The following SPRED2 variants were observed in gnomAD, a reference collection of about 807,000 sequenced individuals.
SPRED2 encodes sprouty related EVH1 domain containing 2, also known as sprouty-related, EVH1 domain-containing protein 2.
In SPRED2, 47 loss-of-function variants were observed where a neutral mutation model predicts 43.0. That is an observed-to-expected ratio of 1.09 (90% confidence interval 0.87 to 1.40). The LOEUF is 1.40. Among genes scored for constraint, SPRED2 ranks in the 40% most tolerant of loss-of-function variants. The pLI is 0.00. For synonymous variants in SPRED2, 225 were observed against 225.7 expected, an observed-to-expected ratio of 1.00 and a Z score of 0.03; for missense variants, 561 against 586.4, an observed-to-expected ratio of 0.96 and a Z score of 0.45.
chr2:65,407,020 C>T lies in SPRED2; in HGVS notation c.26+24942G>A, dbSNP rs1676040443. 2.6e-5 allele frequency among the ~76,000 whole-genome samples: 4 copies of T among 151,974 alleles called. No homozygotes were observed. The South Asian group carries it at 8.3e-4, about 32-fold the overall frequency. ...CTCGGCTCACTGCAAGCTCCACCTC[C>T]TGGGTTCACGCCATTCTCCTGCCTC... On this transcript the variant is annotated intron_variant, in intron 1 of 5. Coordinates refer to ENST00000356388, the MANE Select transcript of SPRED2 (RefSeq NM_181784.3).
chr2:65,363,000 G>GTTTTTT lies in SPRED2; in HGVS notation c.27-18105_27-18104insAAAAAA, dbSNP rs759784526. On this transcript the variant is annotated intron_variant, in intron 1 of 5. Coordinates refer to ENST00000356388, the MANE Select transcript of SPRED2 (RefSeq NM_181784.3). ...CACTTGCTTTCTCTATGGTCATCAT[G>GTTTTTT]TTTTGTTTTTTTTTTTTTTTTTTTT... Among the ~76,000 whole-genome samples, 172 of 66,884 alleles carry GTTTTTT rather than the reference G, an allele frequency of 2.6e-3. 7 individuals are homozygous for GTTTTTT. The highest frequency in any genetic ancestry group is 0.011 in the African/African-American group (163 of 14,220). 43.9% of individuals were successfully genotyped at this position (66,884 alleles called of 152,430 possible).
At chr2:65,428,035 T>G (rs1676595086) in intron 1 of SPRED2, among the ~76,000 whole-genome samples, 1 of 152,258 alleles carries the variant, frequency 6.6e-6, no homozygotes, top group Non-Finnish European at 1.5e-5. Context: ...AAAAAAATGT[T>G]TGCTGTCTCG....
At chr2:65,347,551 C>T (rs769217898) in intron 1 of SPRED2, among the ~76,000 whole-genome samples, 8 of 151,972 alleles carry the variant, frequency 5.3e-5, no homozygotes, top group Non-Finnish European at 8.8e-5. Context: ...TCGCCTGTGC[C>T]CACCACCATG....
intron 1 of SPRED2, among the ~76,000 whole-genome samples, chr2:65,392,598 T>C (rs993776043): frequency 1.3e-5 from 2 of 152,202 alleles, no homozygotes; most frequent in Non-Finnish European, 2.9e-5. Flanking sequence ...ATTCATCTTA[T>C]AGTCTTAAAA....
intron 1 of SPRED2, among the ~76,000 whole-genome samples, chr2:65,401,116 C>T (rs112604567): frequency 6.6e-6 from 1 of 152,018 alleles, no homozygotes; most frequent in Non-Finnish European, 1.5e-5. Context: ...TACAGACGTA[C>T]CACACCACGC....
At chr2:65,411,370 G>C (rs1676155338) in intron 1 of SPRED2, among the ~76,000 whole-genome samples, 1 of 152,258 alleles carries the variant, frequency 6.6e-6, no homozygotes, top group South Asian at 2.1e-4. Context: ...TGAATTGGTT[G>C]CAAAAGTGCT....
chr2:65,396,436 C>A (rs1028610298), intron 1 of SPRED2, among the ~76,000 whole-genome samples: 1 of 152,240 alleles, frequency 6.6e-6, no homozygotes, highest in African/African-American at 2.4e-5. Flanking sequence ...CTACACTTGA[C>A]TGACAACATT....
At chr2:65,322,250 CTCTCTCTCTCTCTCTCTCTCTA>C (rs1443646570) in intron 4 of SPRED2, among the ~76,000 whole-genome samples, 3 of 76,358 alleles carry the variant, frequency 3.9e-5, no homozygotes, top group South Asian at 8.4e-4. Context: ...CTCTCTCTCT[CTCTCTCTCTCTCTCTCTCTCTA>C]TATATATATA....
At chr2:65,385,981 T>C (rs1348080016) in intron 1 of SPRED2, among the ~76,000 whole-genome samples, 1 of 152,262 alleles carries the variant, frequency 6.6e-6, no homozygotes, top group East Asian at 1.9e-4. Flanking sequence ...GGGGATGATA[T>C]TGTATCAGAA....
intron 1 of SPRED2, among the ~76,000 whole-genome samples, chr2:65,368,935 C>A (rs1675050513): frequency 6.6e-6 from 1 of 152,042 alleles, no homozygotes; most frequent in African/African-American, 2.4e-5. Context: ...AGTAGCTGGG[C>A]ATGGTGGTGC....
rs573522039 is a variant in SPRED2 at position 65,398,908 on chromosome 2, T to C, written c.26+33054A>G. On this transcript the variant is annotated intron_variant, in intron 1 of 5. Transcript: ENST00000356388. ...TATGAAGAAGATACTTTCACATTCA[T>C]GTTTATAGAAGCACAATGCGCAACT... Among the ~76,000 whole-genome samples the C allele has an allele frequency of 4.6e-5, 7 of 152,316 alleles. No individual in the cohort carries two copies. The South Asian group carries it at 6.2e-4, about 14-fold the overall frequency.
intron 1 of SPRED2, 152 bp from the exon 2 acceptor site, chr2:65,345,048 T>TTTTAGGG (rs1674309788): frequency 1.5e-6 from 1 of 663,166 alleles, no homozygotes; most frequent in Non-Finnish European, 2.4e-6. Flanking sequence ...GTGGTCCATC[T>TTTTAGGG]CAACTTTTAG....
intron 1 of SPRED2, among the ~76,000 whole-genome samples, chr2:65,406,516 C>G (rs1310092669): frequency 6.6e-6 from 1 of 152,150 alleles, no homozygotes; most frequent in African/African-American, 2.4e-5. Context: ...TGACAAGGAG[C>G]CTCACTAGTT....
intron 1 of SPRED2, among the ~76,000 whole-genome samples, chr2:65,431,326 A>G (rs899849584): frequency 6.6e-6 from 1 of 150,972 alleles, no homozygotes; most frequent in Non-Finnish European, 1.5e-5. Flanking sequence ...GCCGGCCACA[A>G]GCGCGTGCAC....
chr2:65,329,940 C>T (rs183015484), intron 4 of SPRED2, among the ~76,000 whole-genome samples: 1 of 152,266 alleles, frequency 6.6e-6, no homozygotes, highest in African/African-American at 2.4e-5. Flanking sequence ...CAGGTTGGGT[C>T]GGCAATGATC....
Position 65,312,643 on chromosome 2 carries a change from T to TA in SPRED2, c.*857dup, listed in dbSNP as rs757487628. 2.0e-6 allele frequency: 2 copies of TA among 985,838 alleles called. No homozygotes were observed. The highest frequency in any genetic ancestry group is 2.4e-6 in the Non-Finnish European group (2 of 829,932). 61.1% of individuals were successfully genotyped at this position (985,838 alleles called of 1,614,324 possible). A position where few individuals can be genotyped will look rare whatever the true frequency, so the allele number is the denominator to read the frequency against. ...TTTTAGAAGTGGTGGCAACACAATTTAAAAAATGTTCTACTTTAGGGGTAA... is the reference window on the plus strand; with the variant it reads ...TTTTAGAAGTGGTGGCAACACAATTTAAAAAAATGTTCTACTTTAGGGGTAA... On this transcript the variant is annotated 3_prime_UTR_variant, in exon 6 of 6. Transcript: ENST00000356388.
chr2:65,386,970 T>C (rs1192178101), intron 1 of SPRED2, among the ~76,000 whole-genome samples: 3 of 147,046 alleles, frequency 2.0e-5, no homozygotes, highest in Non-Finnish European at 4.5e-5. Context: ...TTTCTACATA[T>C]GGCTAAGAGC....
rs1673126426 is a variant in SPRED2, at chr2:65,313,405, T to C, written c.*96A>G. ...CTGGGAGGCCGCTTGCCCTCCTCGC[T>C]CCTTGGAGTGGAAGGGAGCGGGGGA... On this transcript the variant is annotated 3_prime_UTR_variant, in exon 6 of 6. Coordinates refer to ENST00000356388, the MANE Select transcript of SPRED2 (RefSeq NM_181784.3). The C allele has an allele frequency of 3.3e-6, 5 of 1,508,206 alleles. No homozygotes were observed. The East Asian group carries it at 1.1e-4, about 34-fold the overall frequency. 93.4% of individuals were successfully genotyped at this position (1,508,206 alleles called of 1,614,324 possible). A position where few individuals can be genotyped will look rare whatever the true frequency, so the allele number is the denominator to read the frequency against.
chr2:65,432,348 G>T lies in SPRED2; in HGVS notation c.-361C>A, dbSNP rs1280562842. Among the ~76,000 whole-genome samples the T allele has an allele frequency of 6.6e-6, 1 of 151,348 alleles. No individual in the cohort carries two copies. Among genetic ancestry groups the T allele is most frequent in the African/African-American group, 2.4e-5 (1 of 41,176 alleles). On this transcript the variant is annotated 5_prime_UTR_variant, in exon 1 of 6. Transcript: ENST00000356388. ...GAGCGGCAGGGACTGCTGCGAGGAG[G>T]AGGAGAGCGCCGGCCGCGGGTGGGG...
Sources: gnomAD v4.1 joint callset for allele counts (sites outside exome capture counted in the v4.1 genomes callset) on GRCh38, gnomAD v4.1.1 for gene constraint, MANE v1.5 for transcripts, NCBI Gene and HGNC (gene_info 2026-07-23, HGNC 2026-07-21) for gene names.